Variants in CSMD1 observed in about 807,000 individuals in gnomAD.
The protein encoded by CSMD1 is CUB and Sushi multiple domains 1.
Under a neutral mutation model 417.5 loss-of-function variants are expected in CSMD1, and 213 were observed. That is an observed-to-expected ratio of 0.51 (90% CI 0.46 to 0.57). The LOEUF (loss-of-function observed/expected upper bound fraction) is 0.57. Among genes scored for constraint, CSMD1 ranks in the 20% least tolerant of loss-of-function variants. The pLI is 0.00. For synonymous variants in CSMD1, 2,862 were observed against 1,736.8 expected (o/e 1.65, Z -16.11); for missense variants, 6,923 against 4,529.7 (o/e 1.53, Z -15.17).
intron 7 of CSMD1, among the ~76,000 whole-genome samples, chr8:3,658,465 T>TATAA (rs200270673): frequency 1.1e-4 from 1 of 8,884 alleles, no homozygotes; most frequent in South Asian, 6.0e-3. Context: ...ATATATATTG[T>TATAA]GTATATATAT....
chr8:4,746,459 C>A (rs1033422820), intron 1 of CSMD1, among the ~76,000 whole-genome samples: 1 of 152,202 alleles, frequency 6.6e-6, no homozygotes, highest in South Asian at 2.1e-4. Context: ...ACCACAATAT[C>A]AGGCTCCCTC....
At chr8:4,104,528 C>T (rs753853415) in intron 3 of CSMD1, among the ~76,000 whole-genome samples, 1 of 152,292 alleles carries the variant, frequency 6.6e-6, no homozygotes, top group Middle Eastern at 3.4e-3. Flanking sequence ...CCTCCCACAC[C>T]CTAAATTTGC....
At chr8:3,699,233 T>G (rs1187883521) in intron 7 of CSMD1, among the ~76,000 whole-genome samples, 1 of 152,344 alleles carries the variant, frequency 6.6e-6, no homozygotes, top group East Asian at 1.9e-4. Flanking sequence ...GACAATTAGT[T>G]TTTATTACCA....
intron 5 of CSMD1, among the ~76,000 whole-genome samples, chr8:3,876,650 C>T (rs1805845047): frequency 6.6e-6 from 1 of 152,156 alleles, no homozygotes. Flanking sequence ...TGCTCTGTTG[C>T]CTGGGGTGAA....
At chr8:3,374,135 G>C (rs1388286195) in intron 18 of CSMD1, among the ~76,000 whole-genome samples, 1 of 151,648 alleles carries the variant, frequency 6.6e-6, no homozygotes, top group African/African-American at 2.4e-5. Flanking sequence ...TGTATTTTTA[G>C]TAGAGACGGG....
chr8:4,691,907 G>T (rs1057489924), intron 1 of CSMD1, among the ~76,000 whole-genome samples: 2 of 152,130 alleles, frequency 1.3e-5, no homozygotes, highest in African/African-American at 4.8e-5. Context: ...CTCAGTTTGG[G>T]GACATTTTCT....
At chr8:4,155,051 T>G (rs1279314383) in intron 3 of CSMD1, among the ~76,000 whole-genome samples, 2 of 152,202 alleles carry the variant, frequency 1.3e-5, no homozygotes, top group Admixed American at 1.3e-4. Flanking sequence ...GCTGCAGAAT[T>G]TGTCCTGTTC....
intron 11 of CSMD1, among the ~76,000 whole-genome samples, chr8:3,485,628 C>T (rs1301078261): frequency 6.6e-6 from 1 of 151,440 alleles, no homozygotes; most frequent in Non-Finnish European, 1.5e-5. Context: ...GGTGTGGTGG[C>T]GCATGCTGGT....
chr8:3,712,990 T>G (rs909833554), intron 6 of CSMD1, among the ~76,000 whole-genome samples: 1 of 152,140 alleles, frequency 6.6e-6, no homozygotes, highest in African/African-American at 2.4e-5. Context: ...GAGAGTTGAC[T>G]TTAGGTTTTC....
intron 1 of CSMD1, among the ~76,000 whole-genome samples, chr8:4,685,444 A>G (rs1020923349): frequency 6.6e-6 from 1 of 151,944 alleles, no homozygotes; most frequent in Non-Finnish European, 1.5e-5. Flanking sequence ...GTGTGGTGGC[A>G]CGTGCCTGTA....
At chr8:3,371,284 G>T (rs1809928950) in intron 18 of CSMD1, among the ~76,000 whole-genome samples, 1 of 152,128 alleles carries the variant, frequency 6.6e-6, no homozygotes, top group African/African-American at 2.4e-5. Context: ...TTACTAGTTA[G>T]TAACACGTGC....
chr8:3,659,770 T>G (rs1798316648), intron 7 of CSMD1, among the ~76,000 whole-genome samples: 1 of 152,094 alleles, frequency 6.6e-6, no homozygotes, highest in African/African-American at 2.4e-5. Context: ...CTGGTAAAGA[T>G]CTTGAATTCC....
At chr8:4,476,292 G>C (rs1221902465) in intron 2 of CSMD1, among the ~76,000 whole-genome samples, 2 of 152,032 alleles carry the variant, frequency 1.3e-5, no homozygotes, top group Non-Finnish European at 2.9e-5. Flanking sequence ...ATGTTTATAA[G>C]CATGTATCTA....
chr8:4,347,462 T>C (rs902196745), intron 3 of CSMD1, among the ~76,000 whole-genome samples: 3 of 152,162 alleles, frequency 2.0e-5, no homozygotes, highest in Non-Finnish European at 4.4e-5. Context: ...TTATACCACA[T>C]CTATGAAGAA....
At chr8:3,901,869 TC>T (rs1429991825) in intron 5 of CSMD1, among the ~76,000 whole-genome samples, 9 of 152,324 alleles carry the variant, frequency 5.9e-5, no homozygotes, top group African/African-American at 2.2e-4. Context: ...ACTGTACTCT[TC>T]TCTAGTGCTT....
chr8:3,053,048 C>T (rs1250847832), intron 49 of CSMD1, among the ~76,000 whole-genome samples: 2 of 152,170 alleles, frequency 1.3e-5, no homozygotes, highest in African/African-American at 4.8e-5. Flanking sequence ...TCCCAAAGTG[C>T]TGGGATTACA....
chr8:3,267,800 G>T (rs1159197943), intron 26 of CSMD1, among the ~76,000 whole-genome samples: 1 of 152,148 alleles, frequency 6.6e-6, no homozygotes, highest in Non-Finnish European at 1.5e-5. Context: ...AAGGGGTGCA[G>T]AGGCCGGGGC....
intron 27 of CSMD1, among the ~76,000 whole-genome samples, chr8:3,225,458 G>A (rs1049320290): frequency 1.3e-5 from 2 of 151,890 alleles, no homozygotes; most frequent in South Asian, 2.1e-4. Flanking sequence ...ACAGGGCAGT[G>A]CCTCCTCAGA....
chr8:4,234,170 G>T (rs898891773), intron 3 of CSMD1, among the ~76,000 whole-genome samples: 1 of 152,294 alleles, frequency 6.6e-6, no homozygotes, highest in Non-Finnish European at 1.5e-5. Flanking sequence ...ATTCCCAGGA[G>T]TTAACTCTTG....
Sources: gnomAD v4.1 joint callset for allele counts (sites outside exome capture counted in the v4.1 genomes callset) on GRCh38, gnomAD v4.1.1 for gene constraint, MANE v1.5 for transcripts, NCBI Gene and HGNC (gene_info 2026-07-23, HGNC 2026-07-21) for gene names.